Variants in TANC1 observed in about 807,000 individuals in gnomAD.
TANC1 encodes tetratricopeptide repeat, ankyrin repeat and coiled-coil containing 1.
Under a neutral mutation model 149.7 loss-of-function variants are expected in TANC1, and 77 were observed. The observed-to-expected ratio is 0.51, with a 90% CI of 0.43 to 0.62. The LOEUF is 0.62. TANC1 is among the 20% of genes least tolerant of loss of function. The pLI is 0.00. For missense variants in TANC1, 1,985 were observed against 2,321.8 expected (o/e 0.85, Z 2.98); for synonymous variants, 854 against 925.0 (o/e 0.92, Z 1.39).
At chr2:159,107,969 C>T (rs1176847828) in intron 4 of TANC1, among the ~76,000 whole-genome samples, 1 of 152,220 alleles carries the variant, frequency 6.6e-6, no homozygotes, top group Non-Finnish European at 1.5e-5. Context: ...GCACTGAAAA[C>T]AGGATCCAAT....
At chr2:159,181,218 G>C (rs2056433327) in intron 14 of TANC1, among the ~76,000 whole-genome samples, 1 of 151,778 alleles carries the variant, frequency 6.6e-6, no homozygotes, top group African/African-American at 2.4e-5. Flanking sequence ...TTAGAAAAGT[G>C]TCATTTTCAT....
chr2:159,054,002 A>G (rs1219710161), intron 2 of TANC1, among the ~76,000 whole-genome samples: 1 of 152,114 alleles, frequency 6.6e-6, no homozygotes, highest in African/African-American at 2.4e-5. Context: ...TTTTCAGGAT[A>G]GATTTGCAGC....
intron 1 of TANC1, among the ~76,000 whole-genome samples, chr2:158,988,529 T>A (rs1295109196): frequency 6.6e-6 from 1 of 152,070 alleles, no homozygotes; most frequent in Non-Finnish European, 1.5e-5. Flanking sequence ...CCCCTCCACC[T>A]TTGCTAAATG....
At chr2:159,210,317 G>C (rs1054946177) in intron 19 of TANC1, among the ~76,000 whole-genome samples, 4 of 152,186 alleles carry the variant, frequency 2.6e-5, no homozygotes, top group African/African-American at 7.2e-5. Context: ...TAAGCCAAGC[G>C]ATCCTGAGCC....
chr2:158,976,516 A>C (rs1465910571), intron 1 of TANC1, among the ~76,000 whole-genome samples: 1 of 152,256 alleles, frequency 6.6e-6, no homozygotes, highest in South Asian at 2.1e-4. Context: ...ATAAGTATAA[A>C]GGAACAAGAA....
At chr2:159,132,437 C>T (rs986427174) in intron 4 of TANC1, among the ~76,000 whole-genome samples, 5 of 151,840 alleles carry the variant, frequency 3.3e-5, no homozygotes, top group Non-Finnish European at 1.5e-5. Context: ...TATTAAGGCC[C>T]GAGTTAGGGG....
At chr2:159,128,606 T>A (rs1166218429) in intron 4 of TANC1, among the ~76,000 whole-genome samples, 1 of 152,142 alleles carries the variant, frequency 6.6e-6, no homozygotes, top group Non-Finnish European at 1.5e-5. Flanking sequence ...GACGGTGCCT[T>A]CTGTCCCCCG....
intron 20 of TANC1, among the ~76,000 whole-genome samples, chr2:159,217,903 G>A (rs905858771): frequency 6.6e-6 from 1 of 152,158 alleles, no homozygotes; most frequent in Non-Finnish European, 1.5e-5. Context: ...TGGAGTGGGT[G>A]GATTCATCGT....
rs562348224 is a variant in TANC1, at chr2:158,983,233, G to A, written c.-126+14451G>A. On this transcript the variant is annotated intron_variant, in intron 1 of 26. Coordinates refer to ENST00000263635, the MANE Select transcript of TANC1 (RefSeq NM_033394.3). ...TGTAATCCCAGCACTTTGGGAGGCCGAGGTGGGTTGGATCACGAGGTCAGG... is the reference window on the plus strand; with the variant it reads ...TGTAATCCCAGCACTTTGGGAGGCCAAGGTGGGTTGGATCACGAGGTCAGG... Among the ~76,000 whole-genome samples the A allele has an allele frequency of 2.6e-4, 40 of 151,864 alleles. 1 individual carries two copies. Among genetic ancestry groups the A allele is most frequent in the Non-Finnish European group, 4.3e-4 (29 of 67,916 alleles).
intron 19 of TANC1, among the ~76,000 whole-genome samples, chr2:159,208,516 G>A (rs12692542): frequency 0.28 from 43,272 of 152,042 alleles, 6,820 homozygotes; most frequent in East Asian, 0.51. Flanking sequence ...GGAGTGTTCT[G>A]GTTACCCAGA....
chr2:159,086,196 A>G (rs1198205947), intron 3 of TANC1, among the ~76,000 whole-genome samples: 1 of 151,164 alleles, frequency 6.6e-6, no homozygotes, highest in African/African-American at 2.4e-5. Context: ...TGTTATTATA[A>G]ATTAAGAGGG....
chr2:159,105,056 G>T (rs2047039213), intron 4 of TANC1, among the ~76,000 whole-genome samples: 1 of 104,110 alleles, frequency 9.6e-6, no homozygotes, highest in Non-Finnish European at 1.8e-5. Context: ...GTGCAGTGGT[G>T]TGATCTGGGC....
intron 7 of TANC1, among the ~76,000 whole-genome samples, chr2:159,155,470 C>T (rs13000207): frequency 0.12 from 17,828 of 152,090 alleles, 1,551 homozygotes; most frequent in East Asian, 0.46. Context: ...TTTGGAGAAA[C>T]GGTGCTAGGA....
chr2:159,185,814 T>C lies in TANC1; in HGVS notation c.2534T>C (p.Phe845Ser). Reference sequence around the variant, plus strand: ...AGGAACGGGCACGCGCTCTTGGCATTCATGTTCTCGCGTCAGGAGGGCAAG... The same window carrying C: ...AGGAACGGGCACGCGCTCTTGGCATCCATGTTCTCGCGTCAGGAGGGCAAG... ...EPRNGHALLA[F>S]MFSRQEGKLN... is the part of the protein sequence containing the mutation. Residue 845 changes from phenylalanine to serine, a missense_variant, in exon 15 of 27, where the codon TTC becomes TCC. By Grantham distance (155) the Phe-to-Ser change is radical. This residue lies in a region of TANC1 where 508 missense variants were observed against 714.2 expected (regional missense o/e 0.71). Transcript: ENST00000263635. 1 of 1,614,076 alleles carries C rather than the reference T, an allele frequency of 6.2e-7. No homozygotes were observed. The highest frequency in any genetic ancestry group is 8.5e-7 in the Non-Finnish European group (1 of 1,179,990).
intron 19 of TANC1, among the ~76,000 whole-genome samples, chr2:159,214,580 T>C (rs2059229396): frequency 6.6e-6 from 1 of 152,242 alleles, no homozygotes; most frequent in Non-Finnish European, 1.5e-5. Flanking sequence ...CTTGGAGAGC[T>C]GCAAGGGACT....
intron 19 of TANC1, among the ~76,000 whole-genome samples, chr2:159,205,553 T>G (rs1396227304): frequency 1.3e-5 from 2 of 152,232 alleles, no homozygotes; most frequent in Non-Finnish European, 2.9e-5. Flanking sequence ...TACCACCGTG[T>G]TACAGCTGCC....
At chr2:159,057,962 C>T (rs2041974444) in intron 2 of TANC1, among the ~76,000 whole-genome samples, 1 of 152,148 alleles carries the variant, frequency 6.6e-6, no homozygotes, top group Admixed American at 6.5e-5. Flanking sequence ...CCGTGTTTTG[C>T]TGCTGTGGTA....
chr2:159,012,647 A>G (rs1357276013), intron 2 of TANC1, among the ~76,000 whole-genome samples: 1 of 152,182 alleles, frequency 6.6e-6, no homozygotes, highest in Admixed American at 6.5e-5. Flanking sequence ...CTGAAGTAAC[A>G]TTTTTATTTA....
intron 5 of TANC1, among the ~76,000 whole-genome samples, chr2:159,145,598 G>C (rs1476135588): frequency 6.6e-6 from 1 of 152,200 alleles, no homozygotes; most frequent in East Asian, 1.9e-4. Flanking sequence ...TTAAAGTTAT[G>C]ATGGCAGTCG....
Sources: allele counts gnomAD v4.1 joint callset (sites outside exome capture counted in the v4.1 genomes callset), GRCh38; gene constraint gnomAD v4.1.1; regional missense constraint gnomAD v4.1.1; transcripts MANE v1.5; gene names NCBI Gene and HGNC (gene_info 2026-07-23, HGNC 2026-07-21).